AGMAT: variants seen among roughly 807,000 people sequenced by gnomAD.
AGMAT encodes agmatinase (putative).
In AGMAT, 37 loss-of-function variants were observed where a neutral mutation model predicts 29.3. The ratio of observed to expected loss-of-function variants is 1.26; its 90% CI spans 0.97 to 1.66. AGMAT has a LOEUF of 1.66. AGMAT is among the 40% of genes most tolerant of loss of function. AGMAT has a pLI of 0.00. For missense variants in AGMAT, 498 were observed against 497.8 expected (o/e 1.00, Z 0.00); for synonymous variants, 199 against 200.8 (o/e 0.99, Z 0.08).
intron 2 of AGMAT, among the ~76,000 whole-genome samples, chr1:15,581,031 G>T (rs894103450): frequency 2.0e-5 from 3 of 151,990 alleles, no homozygotes; most frequent in African/African-American, 7.3e-5. Context: ...TTTGAGACCA[G>T]CCTGGGCAAC....
chr1:15,579,152 A>G, intron 3 of AGMAT, 98 bp from the exon 4 acceptor site: 1 of 1,196,718 alleles, frequency 8.4e-7, no homozygotes, highest in Non-Finnish European at 1.2e-6. Context: ...TTCACAGCCA[A>G]AAAGGGGAGA....
intron 1 of AGMAT, among the ~76,000 whole-genome samples, chr1:15,584,353 T>C (rs1169673802): frequency 6.6e-6 from 1 of 150,938 alleles, no homozygotes; most frequent in Admixed American, 6.6e-5. Context: ...AGTTTCACCA[T>C]GTTGGTCAGG....
At chr1:15,582,319 T>C (rs1639126730) in intron 2 of AGMAT, among the ~76,000 whole-genome samples, 1 of 152,052 alleles carries the variant, frequency 6.6e-6, no homozygotes, top group Admixed American at 6.6e-5. Flanking sequence ...GGGCATTTCA[T>C]GTGCACTTTC....
chr1:15,583,887 G>A (rs1174088759), intron 1 of AGMAT, among the ~76,000 whole-genome samples: 1 of 152,196 alleles, frequency 6.6e-6, no homozygotes, highest in Non-Finnish European at 1.5e-5. Context: ...AGCTGAATCA[G>A]AAATTGCTGA....
chr1:15,575,049 G>C, intron 5 of AGMAT: 1 of 481,646 alleles, frequency 2.1e-6, no homozygotes, highest in Non-Finnish European at 3.8e-6. Flanking sequence ...TGCATGGTGT[G>C]GTGATGGAGA....
chr1:15,578,890 G>T lies in AGMAT; in HGVS notation c.689C>A (p.Thr230Asn), dbSNP rs200537622. 6.2e-7 allele frequency: 1 copy of T among 1,614,126 alleles called. No individual in the cohort carries two copies. Among genetic ancestry groups the T allele is most frequent in the Non-Finnish European group, 8.5e-7 (1 of 1,180,010 alleles). ...VQIGIRGSST[T>N]LDPYRYNRSQ... Reference sequence around the variant, plus strand: ...CCGGTTGTATCTGTAGGGATCCAAGGTCGTGGAAGAGCCCCGGATGCCAAT... The same window carrying T: ...CCGGTTGTATCTGTAGGGATCCAAGTTCGTGGAAGAGCCCCGGATGCCAAT... The change falls in exon 4 of 7, where the codon ACC (threonine) becomes AAC (asparagine). Residue 230 changes from threonine (T) to asparagine (N), a missense_variant. Transcript: ENST00000375826.
At chr1:15,579,156 G>A in intron 3 of AGMAT, 102 bp from the exon 4 acceptor site, 6 of 1,121,604 alleles carry the variant, frequency 5.3e-6, no homozygotes, top group Non-Finnish European at 6.3e-6. Flanking sequence ...CAGCCAAAAA[G>A]GGGAGACCTG....
intron 5 of AGMAT, 120 bp from the exon 6 acceptor site, chr1:15,574,961 C>T: frequency 2.8e-6 from 2 of 709,300 alleles, no homozygotes; most frequent in Non-Finnish European, 5.0e-6. Flanking sequence ...CCTCCATAAA[C>T]ATTTGTTGAC....
At chr1:15,582,906 G>A (rs937087286) in intron 2 of AGMAT, among the ~76,000 whole-genome samples, 1 of 152,184 alleles carries the variant, frequency 6.6e-6, no homozygotes, top group African/African-American at 2.4e-5. Flanking sequence ...GCTGAGGCAG[G>A]AGAATTGCTT....
rs33990724 is a variant in AGMAT at position 15,572,352 on chromosome 1, C to CTTTTTTTTTTT, written c.*1288_*1298dup. 16 of 43,736 alleles carry CTTTTTTTTTTT rather than the reference C, an allele frequency of 3.7e-4. 3 individuals are homozygous for CTTTTTTTTTTT. The highest frequency in any genetic ancestry group is 1.6e-3 in the African/African-American group (15 of 9,522). The allele number at this position is 43,736 out of a possible 1,614,324, so 2.7% of individuals were successfully genotyped here. A position where few individuals can be genotyped will look rare whatever the true frequency, so the allele number is the denominator to read the frequency against. On this transcript the variant is annotated 3_prime_UTR_variant, in exon 7 of 7. Coordinates refer to ENST00000375826, the MANE Select transcript of AGMAT (RefSeq NM_024758.5). ...GGCGTGAGCCACTGGGTCCGGCCTG[C>CTTTTTTTTTTT]TTTTTTTTTTTTTTTTTTTTTTTTG...
rs1197543573 is a variant in AGMAT at position 15,583,250 on chromosome 1, G to A, written c.418C>T (p.Arg140Ter). ...ATTTTCTCATAGGCCTCTTGAATTC[G>A]CCGGCAGCTGTCCTGAAGGTTGTAA... ...NLYNLQDSCR[R>*]IQEAYEKIVA... is the part of the protein sequence containing the mutation. The change falls in exon 2 of 7, where the codon CGA (arginine) becomes TGA (stop). Residue 140 changes from arginine (R) to a stop codon, truncating the protein, a stop_gained. Transcript: ENST00000375826. LOFTEE classifies it high-confidence loss of function. 6.8e-6 allele frequency: 11 copies of A among 1,613,942 alleles called. No individual in the cohort carries two copies. The highest frequency in any genetic ancestry group is 6.7e-5 in the East Asian group (3 of 44,894).
Position 15,578,875 on chromosome 1 carries a change from CTG to C in AGMAT, c.702_703del (p.Tyr234Ter). The C allele has an allele frequency of 3.1e-6, 5 of 1,614,126 alleles. No individual in the cohort carries two copies. The South Asian group carries it at 5.5e-5, about 18-fold the overall frequency. ...GTCTGTCACCTGGCTCCGGTTGTAT[CTG>C]TAGGGATCCAAGGTCGTGGAAGAGC... On this transcript the variant is annotated stop_gained and frameshift_variant, in exon 4 of 7. Transcript: ENST00000375826. LOFTEE classifies it high-confidence loss of function.
chr1:15,584,501 G>A (rs1286144122), intron 1 of AGMAT, among the ~76,000 whole-genome samples, 195 bp downstream of exon 1: 3 of 152,098 alleles, frequency 2.0e-5, no homozygotes, highest in East Asian at 1.9e-4. Context: ...CCACGCCCAT[G>A]TTGAGCCCTG....
intron 2 of AGMAT, 88 bp from the exon 3 acceptor site, chr1:15,580,230 T>A: frequency 1.8e-6 from 2 of 1,090,610 alleles, no homozygotes; most frequent in Non-Finnish European, 2.6e-6. Context: ...TTTTGAGATG[T>A]AGTTTTGCTC....
At chr1:15,581,165 C>T (rs1442315854) in intron 2 of AGMAT, among the ~76,000 whole-genome samples, 2 of 151,934 alleles carry the variant, frequency 1.3e-5, no homozygotes, top group Non-Finnish European at 2.9e-5. Context: ...CTGGGTAATA[C>T]ATTAAGACCC....
chr1:15,577,887 T>C (rs372987814), intron 4 of AGMAT, 23 bp from the exon 5 acceptor site: 1 of 1,607,270 alleles, frequency 6.2e-7, no homozygotes, highest in Non-Finnish European at 8.5e-7. Flanking sequence ...GGACTGAGGT[T>C]TCTGTCTGGC....
chr1:15,583,481 T>C (rs754904666), intron 1 of AGMAT, 86 bp from the exon 2 acceptor site: 15 of 1,292,384 alleles, frequency 1.2e-5, no homozygotes, highest in Non-Finnish European at 1.6e-5. Context: ...CCTCAGCAAT[T>C]TGGGGCCAGA....
intron 5 of AGMAT, chr1:15,575,957 A>G (rs1639031821): frequency 6.6e-6 from 1 of 151,948 alleles, no homozygotes; most frequent in Admixed American, 6.6e-5. Flanking sequence ...GGATCTCACT[A>G]TGTTGCCCAG....
chr1:15,573,735 G>A lies in AGMAT; in HGVS notation c.986-11C>T, dbSNP rs758561731. 146 of 1,613,440 alleles carry A rather than the reference G, an allele frequency of 9.0e-5. 1 individual carries two copies. The highest frequency in any genetic ancestry group is 1.1e-4 in the Non-Finnish European group (134 of 1,179,714). On this transcript the variant is annotated splice_polypyrimidine_tract_variant and intron_variant, in intron 6 of 6. Transcript: ENST00000375826. ...GCAGGGCTGTGTTCCCTAAGAAAAA[G>A]TAAAACCTCACATGAATACCCTGCA...
Sources: gnomAD v4.1 joint callset for allele counts (sites outside exome capture counted in the v4.1 genomes callset) on GRCh38, gnomAD v4.1.1 for gene constraint, MANE v1.5 for transcripts, NCBI Gene and HGNC (gene_info 2026-07-23, HGNC 2026-07-21) for gene names.